The following UBR4 variants were observed in gnomAD, a reference collection of about 807,000 sequenced individuals.
UBR4 encodes E3 ubiquitin-protein ligase UBR4.
UBR4 carries 124 observed loss-of-function variants against 575.6 expected under a neutral mutation model. The observed-to-expected ratio is 0.22, with a 90% CI of 0.19 to 0.25. The LOEUF (loss-of-function observed/expected upper bound fraction) is 0.25, where lower values mean the gene tolerates loss of function less well. Among genes scored for constraint, UBR4 ranks in the 10% least tolerant of loss-of-function variants. UBR4 has a pLI of 1.00. For synonymous variants in UBR4, 2,455 were observed against 2,473.7 expected (o/e 0.99, Z 0.22); for missense variants, 4,818 against 6,478.8 (o/e 0.74, Z 8.80).
At chr1:19,194,257 T>C (rs1571717762) in intron 8 of UBR4, among the ~76,000 whole-genome samples, 1 of 152,296 alleles carries the variant, frequency 6.6e-6, no homozygotes, top group East Asian at 1.9e-4. Context: ...ATTAAAAGTA[T>C]TACTGATAAG....
intron 49 of UBR4, among the ~76,000 whole-genome samples, chr1:19,150,179 G>A (rs1410053973): frequency 6.6e-6 from 1 of 152,150 alleles, no homozygotes; most frequent in African/African-American, 2.4e-5. Flanking sequence ...CACAGAAGTA[G>A]CTACGCAGAG....
chr1:19,129,738 C>G (rs187432076), intron 60 of UBR4, among the ~76,000 whole-genome samples: 2 of 151,906 alleles, frequency 1.3e-5, no homozygotes, highest in East Asian at 3.9e-4. Flanking sequence ...CCCTGGATCT[C>G]TAGCTAATAT....
intron 25 of UBR4, among the ~76,000 whole-genome samples, chr1:19,171,274 G>T (rs555331394): frequency 6.6e-6 from 1 of 152,324 alleles, no homozygotes; most frequent in South Asian, 2.1e-4. Flanking sequence ...AACGTTAACA[G>T]CTCAGTGTGG....
At chr1:19,175,171 G>T in intron 20 of UBR4, 138 bp from the exon 21 acceptor site, 1 of 810,838 alleles carries the variant, frequency 1.2e-6, no homozygotes, top group Non-Finnish European at 1.8e-6. Flanking sequence ...CCAGATAAGT[G>T]TTTGCTGTGG....
chr1:19,154,910 A>G lies in UBR4; in HGVS notation c.6458+8T>C, dbSNP rs1429636156. 6.2e-7 allele frequency: 1 copy of G among 1,614,184 alleles called. No individual in the cohort carries two copies. The highest frequency in any genetic ancestry group is 8.5e-7 in the Non-Finnish European group (1 of 1,180,000). On this transcript the variant is annotated splice_region_variant and intron_variant, in intron 44 of 105. Coordinates refer to ENST00000375254, the MANE Select transcript of UBR4 (RefSeq NM_020765.3). ...TGCGGAAGTTGAACATTAAATGTTC[A>G]TTCCCACCTTTTGATGTTGATGGGG... is the stretch of plus-strand genomic sequence containing the variant.
At chr1:19,075,073 CAGG>C (rs1322276627) in intron 105 of UBR4, 177 bp from the exon 106 acceptor site, 5 of 656,110 alleles carry the variant, frequency 7.6e-6, no homozygotes, top group Middle Eastern at 2.5e-4. Context: ...CCCTGTTCCG[CAGG>C]AGGAGTCCTG....
chr1:19,167,276 A>G, intron 28 of UBR4, 45 bp from the exon 29 acceptor site: 1 of 1,603,690 alleles, frequency 6.2e-7, no homozygotes, highest in South Asian at 1.1e-5. Flanking sequence ...ACACTCCTCC[A>G]AAAAGCTGCA....
chr1:19,102,276 G>A (rs2078714556), intron 87 of UBR4, among the ~76,000 whole-genome samples: 1 of 151,988 alleles, frequency 6.6e-6, no homozygotes, highest in Non-Finnish European at 1.5e-5. Context: ...GAGGTGGGAG[G>A]ATGGTTTGAG....
Position 19,074,760 on chromosome 1 carries a change from G to T in UBR4, c.*72C>A. The T allele has an allele frequency of 6.5e-7, 1 of 1,542,888 alleles. No homozygotes were observed. Among genetic ancestry groups the T allele is most frequent in the Non-Finnish European group, 8.9e-7 (1 of 1,122,636 alleles). ...CAGCATCCCGCGGAGGGAACTTAATGCACAAGGAGGGAGAACAGAGGGTGG... is the reference window on the plus strand; with the variant it reads ...CAGCATCCCGCGGAGGGAACTTAATTCACAAGGAGGGAGAACAGAGGGTGG... On this transcript the variant is annotated 3_prime_UTR_variant, in exon 106 of 106. Transcript: ENST00000375254.
rs116234422 is a variant in UBR4 at position 19,172,932 on chromosome 1, C to T, written c.3453G>A (p.Ser1151=). ...KMAAETDPHK[S]SEITKNLLPA... Reference sequence around the variant, plus strand: ...GAAGTAGGTTCTTGGTAATCTCAGACGACTTATGAGGATCAGTCTCAGCAG... The same window carrying T: ...GAAGTAGGTTCTTGGTAATCTCAGATGACTTATGAGGATCAGTCTCAGCAG... The change falls in exon 25 of 106, where the codon TCG becomes TCA. Residue 1151 remains serine (S), a synonymous_variant. Transcript: ENST00000375254. 1,352 of 1,614,060 alleles carry T rather than the reference C, an allele frequency of 8.4e-4. 11 individuals are homozygous for T. The African/African-American group carries it at 0.015, about 18-fold the overall frequency.
At chr1:19,151,402 C>G in intron 48 of UBR4, 1 of 593,276 alleles carries the variant, frequency 1.7e-6, no homozygotes, top group Non-Finnish European at 3.1e-6. Flanking sequence ...GGACACAACA[C>G]TATTGAAATG....
At position 19,197,757 on chromosome 1, in the gene UBR4, T is replaced by C. The variant is rs2092547609; in HGVS notation, c.806A>G (p.Tyr269Cys). 3 of 1,614,212 alleles carry C rather than the reference T, an allele frequency of 1.9e-6. No individual in the cohort carries two copies. Among genetic ancestry groups the C allele is most frequent in the Non-Finnish European group, 2.5e-6 (3 of 1,180,034 alleles). ...VCLNLPYFLR[Y>C]INRFQDAVLA... is the part of the protein sequence containing the mutation. ...AACTGCATCTTGGAACCGATTGATATAGCGTAGGAAATATGGCAGGTTCAA... is the reference window on the plus strand; with the variant it reads ...AACTGCATCTTGGAACCGATTGATACAGCGTAGGAAATATGGCAGGTTCAA... Residue 269 changes from tyrosine (Y) to cysteine (C), a missense_variant, in exon 7 of 106, where the codon TAT becomes TGT. Physicochemically the swap from Tyr to Cys is radical, Grantham distance 194. This residue lies in a region of UBR4 where 131 missense variants were observed against 214.5 expected (regional missense o/e 0.61). Transcript: ENST00000375254.
At chr1:19,111,009 T>C (rs574735750) in intron 78 of UBR4, among the ~76,000 whole-genome samples, 177 bp from the exon 79 acceptor site, 1 of 152,270 alleles carries the variant, frequency 6.6e-6, no homozygotes, top group African/African-American at 2.4e-5. Flanking sequence ...TGGTCGGTAA[T>C]AATAAAGGGC....
In UBR4 at chr1:19,095,038, G is replaced by C; in HGVS notation, c.13627-13C>G. On this transcript the variant is annotated splice_polypyrimidine_tract_variant and intron_variant, in intron 93 of 105. Transcript: ENST00000375254. ...CAGCTACAAGGGCCTGTAGGAGAAG[G>C]AGACTCAGTCACTCTCAGAATAAGA... 6.2e-7 allele frequency: 1 copy of C among 1,614,150 alleles called. No individual in the cohort carries two copies. Among genetic ancestry groups the C allele is most frequent in the Non-Finnish European group, 8.5e-7 (1 of 1,180,018 alleles).
chr1:19,181,832 T>A (rs1362029032), intron 17 of UBR4, among the ~76,000 whole-genome samples: 2 of 152,222 alleles, frequency 1.3e-5, no homozygotes, highest in Non-Finnish European at 2.9e-5. Context: ...ATTTCAACCA[T>A]TTTTACATGA....
At chr1:19,126,710 AAATCCAGGTGG>A (rs1252036964) in intron 63 of UBR4, 55 bp from the exon 64 acceptor site, 2 of 1,582,422 alleles carry the variant, frequency 1.3e-6, no homozygotes, top group Non-Finnish European at 1.7e-6. Context: ...AAACAATGTG[AAATCCAGGTGG>A]GTGTTGGGGA....
chr1:19,097,423 CA>C, intron 90 of UBR4, 143 bp from the exon 91 acceptor site: 1 of 568,950 alleles, frequency 1.8e-6, no homozygotes, highest in Non-Finnish European at 3.0e-6. Flanking sequence ...ATCTAGAATC[CA>C]AATGCACAGC....
At chr1:19,083,753 C>G (rs762006163) in intron 102 of UBR4, among the ~76,000 whole-genome samples, 4 of 152,146 alleles carry the variant, frequency 2.6e-5, no homozygotes, top group Non-Finnish European at 4.4e-5. Flanking sequence ...AGGCTGGGCT[C>G]AAGCAATCCT....
At chr1:19,176,790 G>C in intron 19 of UBR4, 63 bp from the exon 20 acceptor site, 3 of 1,573,990 alleles carry the variant, frequency 1.9e-6, no homozygotes, top group Non-Finnish European at 2.6e-6. Flanking sequence ...TTTTCACTCA[G>C]GCATGATAAT....
Sources: gnomAD v4.1 joint callset for allele counts (sites outside exome capture counted in the v4.1 genomes callset) on GRCh38, gnomAD v4.1.1 for gene constraint, gnomAD v4.1.1 regional missense constraint, MANE v1.5 for transcripts, NCBI Gene and HGNC (gene_info 2026-07-23, HGNC 2026-07-21) for gene names.